Variants in ACAN observed in about 807,000 individuals in gnomAD.
The protein encoded by ACAN is aggrecan.
A neutral mutation model predicts 169.1 loss-of-function variants in ACAN; 47 were observed. That is an observed-to-expected ratio of 0.28 (90% CI 0.22 to 0.35). The LOEUF (loss-of-function observed/expected upper bound fraction) is 0.35. ACAN is among the 10% of genes least tolerant of loss of function. The pLI is 1.00. For synonymous variants in ACAN, 1,115 were observed against 1,112.2 expected, an observed-to-expected ratio of 1.00 and a Z score of -0.05; for missense variants, 2,716 against 2,759.9, an observed-to-expected ratio of 0.98 and a Z score of 0.36.
intron 9 of ACAN, among the ~76,000 whole-genome samples, chr15:88,848,432 T>C (rs1896848972): frequency 6.6e-6 from 1 of 151,966 alleles, no homozygotes; most frequent in African/African-American, 2.4e-5. Context: ...AAAAACCTTT[T>C]TAGGCTGGGC....
chr15:88,825,243 G>C (rs1402949143), intron 1 of ACAN, among the ~76,000 whole-genome samples: 1 of 152,156 alleles, frequency 6.6e-6, no homozygotes, highest in Non-Finnish European at 1.5e-5. Context: ...CATAGGCCAA[G>C]CTCCCTTTTG....
Position 88,851,494 on chromosome 15 carries a change from G to T in ACAN, c.2027-300G>T. ...GAGATAATCATATCTCTCTCATAAA[G>T]CTGTTGTGAGATAAAGTGATTTTAG... On this transcript the variant is annotated intron_variant, in intron 10 of 18. Transcript: ENST00000560601. The surrounding 1 kb of genome is among the most constrained non-coding windows in gnomAD (Gnocchi z 4.3). The T allele has an allele frequency of 3.3e-6, 1 of 300,962 alleles. No individual in the cohort carries two copies. 18.6% of individuals were successfully genotyped at this position (300,962 alleles called of 1,614,324 possible).
chr15:88,853,567 C>T (rs998443385), intron 11 of ACAN, among the ~76,000 whole-genome samples: 1 of 151,992 alleles, frequency 6.6e-6, no homozygotes, highest in Non-Finnish European at 1.5e-5. Context: ...GAACCCAGGA[C>T]GTGGAGGTTG....
chr15:88,865,960 C>T (rs1198550280), intron 13 of ACAN, among the ~76,000 whole-genome samples: 2 of 152,172 alleles, frequency 1.3e-5, no homozygotes, highest in Admixed American at 1.3e-4. Context: ...TTCTGACTTT[C>T]AGGATTGTGG....
In ACAN at chr15:88,873,361, G is replaced by A. The variant is rs890250309; in HGVS notation, c.7447+336G>A. 7.9e-5 allele frequency among the ~76,000 whole-genome samples: 12 copies of A among 152,238 alleles called. No individual in the cohort carries two copies. Among genetic ancestry groups the A allele is most frequent in the African/African-American group, 2.9e-4 (12 of 41,456 alleles). On this transcript the variant is annotated intron_variant, in intron 17 of 18. Transcript: ENST00000560601. The surrounding 1 kb of genome is among the most constrained non-coding windows in gnomAD (Gnocchi z 7.5). The stretch of plus-strand genomic sequence containing the variant: ...ACCCACAAGGGCCCCCAGATGGGGA[G>A]CCTCCCTGTCTTTGGGATTCCCAAG...
At chr15:88,806,917 T>C (rs1830230443) in intron 1 of ACAN, among the ~76,000 whole-genome samples, 1 of 152,200 alleles carries the variant, frequency 6.6e-6, no homozygotes, top group South Asian at 2.1e-4. Flanking sequence ...GTAAGTACTG[T>C]TTCTGGAAAC....
intron 1 of ACAN, among the ~76,000 whole-genome samples, chr15:88,830,670 A>G (rs978939639): frequency 2.0e-5 from 3 of 152,202 alleles, no homozygotes; most frequent in Admixed American, 6.5e-5. Context: ...TAAAAGATAA[A>G]CAATGGTACA....
At position 88,857,235 on chromosome 15, in the gene ACAN, T is replaced by C. The variant is rs1159940230; in HGVS notation, c.4650T>C (p.Ser1550=). 1.2e-6 allele frequency: 2 copies of C among 1,613,878 alleles called. No individual in the cohort carries two copies. Among genetic ancestry groups the C allele is most frequent in the East Asian group, 2.2e-5 (1 of 44,884 alleles). ...TTGGGGACCTCAGTGGACTTCCTTC[T>C]GGAGGAGAAGGTCTAGAGACCTCTG... ...SGFGDLSGLP[S]GGEGLETSAS... The change falls in exon 12 of 19, where the codon TCT becomes TCC. Residue 1550 remains serine, a synonymous_variant. Transcript: ENST00000560601.
chr15:88,847,859 CTA>C, intron 8 of ACAN, 50 bp from the exon 9 acceptor site: 1 of 1,596,284 alleles, frequency 6.3e-7, no homozygotes, highest in Non-Finnish European at 8.5e-7. Flanking sequence ...GGCCGTGCAT[CTA>C]CCAGCCCCTG....
Position 88,839,175 on chromosome 15 carries a change from C to A in ACAN, c.454+129C>A, listed in dbSNP as rs1896587210. ...CACGCACCTCAGCCAAGTTACTTAA[C>A]TTCAGCTGCTTCCTCTGTGACATGG... On this transcript the variant is annotated intron_variant, in intron 3 of 18. Transcript: ENST00000560601. This position sits in a 1 kb window ranked among gnomAD's most constrained non-coding sequence, Gnocchi z 4.5. 6.9e-6 allele frequency: 8 copies of A among 1,153,252 alleles called. No homozygotes were observed. Among genetic ancestry groups the A allele is most frequent in the African/African-American group, 1.5e-5 (1 of 65,066 alleles). 71.4% of individuals were successfully genotyped at this position (1,153,252 alleles called of 1,614,324 possible). A position where few individuals can be genotyped will look rare whatever the true frequency, so the allele number is the denominator to read the frequency against.
At chr15:88,854,828 A>T (rs1897009886) in intron 11 of ACAN, 24 bp from the exon 12 acceptor site, 1 of 1,441,882 alleles carries the variant, frequency 6.9e-7, no homozygotes, top group African/African-American at 1.4e-5. Context: ...CCCACACTTC[A>T]TCTTTCTTCC....
chr15:88,811,325 A>G (rs1895815126), intron 1 of ACAN, among the ~76,000 whole-genome samples: 1 of 152,230 alleles, frequency 6.6e-6, no homozygotes, highest in African/African-American at 2.4e-5. Context: ...GAGCCTAAAA[A>G]GATGCTAATC....
chr15:88,860,495 C>T lies in ACAN; in HGVS notation c.6946+56C>T, dbSNP rs1897173346. The T allele has an allele frequency of 2.7e-6, 4 of 1,507,974 alleles. No homozygotes were observed. In the Admixed American group the frequency reaches 7.2e-5, roughly 27 times the overall value. 93.4% of individuals were successfully genotyped at this position (1,507,974 alleles called of 1,614,324 possible). ...GGCGGAGGCGCTGGACAGACTTCTT[C>T]ATCCCCCAAAGGGTCCCCAGGTGGG... On this transcript the variant is annotated intron_variant, in intron 13 of 18. Coordinates refer to ENST00000560601, the MANE Select transcript of ACAN (RefSeq NM_001369268.1).
In ACAN at chr15:88,868,236, A is replaced by C; in HGVS notation, c.6967A>C (p.Ser2323Arg). Residue 2323 changes from serine to arginine, a missense_variant, in exon 14 of 19, where the codon AGC becomes CGC. Ser to Arg is a moderately radical substitution (Grantham distance 110). Coordinates refer to ENST00000560601, the MANE Select transcript of ACAN (RefSeq NM_001369268.1). The surrounding 1 kb of genome is among the most constrained non-coding windows in gnomAD (Gnocchi z 5.2). ...CNIDIDECLS[S>R]PCLNGATCVD... is the part of the protein sequence containing the mutation. ...TGCAGACATTGATGAGTGCCTCTCA[A>C]GCCCTTGTCTGAATGGAGCCACCTG... 1 of 702,742 alleles carries C rather than the reference A, an allele frequency of 1.4e-6. No individual in the cohort carries two copies. The highest frequency in any genetic ancestry group is 2.6e-6 in the Non-Finnish European group (1 of 384,820). 43.5% of individuals were successfully genotyped at this position (702,742 alleles called of 1,614,324 possible).
At chr15:88,853,690 G>A (rs767367535) in intron 11 of ACAN, among the ~76,000 whole-genome samples, 14 of 152,226 alleles carry the variant, frequency 9.2e-5, no homozygotes, top group Non-Finnish European at 1.5e-4. Flanking sequence ...GTTATATTAT[G>A]ACTGCAAATG....
intron 6 of ACAN, 127 bp from the exon 7 acceptor site, chr15:88,845,376 GCA>G: frequency 1.5e-6 from 2 of 1,369,640 alleles, no homozygotes; most frequent in Non-Finnish European, 1.9e-6. Context: ...AAGGTGCCTG[GCA>G]CACAGTGGTG....
Position 88,807,912 on chromosome 15 carries a change from G to A in ACAN, c.-8+4103G>A, listed in dbSNP as rs1451190938. ...AAACTCATGAATAGGTGGATTTGGG[G>A]TGTGTGATGCTGGGCATCACGATTT... On this transcript the variant is annotated intron_variant, in intron 1 of 18. Transcript: ENST00000560601. The surrounding 1 kb of genome is among the most constrained non-coding windows in gnomAD (Gnocchi z 4.0). Among the ~76,000 whole-genome samples the A allele has an allele frequency of 6.6e-6, 1 of 152,082 alleles. No individual in the cohort carries two copies. The highest frequency in any genetic ancestry group is 6.5e-5 in the Admixed American group (1 of 15,272).
In ACAN at chr15:88,858,752, A is replaced by T. The variant is rs763932519; in HGVS notation, c.6167A>T (p.Gln2056Leu). 6 of 1,613,818 alleles carry T rather than the reference A, an allele frequency of 3.7e-6. No individual in the cohort carries two copies. In the African/African-American group the frequency reaches 6.7e-5, roughly 18 times the overall value. The change falls in exon 12 of 19, where the codon CAA (glutamine) becomes CTA (leucine). Residue 2056 changes from glutamine to leucine, a missense_variant. Gln to Leu is a moderately radical substitution (Grantham distance 113). This residue lies in a region of ACAN where 1,389 missense variants were observed against 1,363.7 expected (regional missense o/e 1.02). Transcript: ENST00000560601. The surrounding 1 kb of genome is among the most constrained non-coding windows in gnomAD (Gnocchi z 4.0). ...CCAACTATTTCTCAGGAACTAGGCC[A>T]AAGGCCCCCTGTGACACACACACCC... ...TEPTISQELG[Q>L]RPPVTHTPQL...
At chr15:88,829,343 T>C (rs1335562051) in intron 1 of ACAN, among the ~76,000 whole-genome samples, 1 of 152,166 alleles carries the variant, frequency 6.6e-6, no homozygotes, top group Non-Finnish European at 1.5e-5. Context: ...AGGCCTTACA[T>C]GAGTTTCCTG....
Sources: allele counts gnomAD v4.1 joint callset (sites outside exome capture counted in the v4.1 genomes callset), GRCh38; gene constraint gnomAD v4.1.1; regional missense constraint gnomAD v4.1.1; non-coding constraint Gnocchi (gnomAD v3.1); transcripts MANE v1.5; gene names NCBI Gene and HGNC (gene_info 2026-07-23, HGNC 2026-07-21).